BIN3: variants seen among roughly 807,000 people sequenced by gnomAD.
BIN3 encodes bridging integrator 3.
A neutral mutation model predicts 38.2 loss-of-function variants in BIN3; 41 were observed. That is an observed-to-expected ratio of 1.07 (90% CI 0.84 to 1.39). The LOEUF (loss-of-function observed/expected upper bound fraction) is 1.39, where lower values mean the gene tolerates loss of function less well. Ranked by LOEUF, BIN3 falls within the 40% of genes most tolerant of loss-of-function variation. The pLI is 0.00. For missense variants in BIN3, 361 were observed against 324.3 expected, an observed-to-expected ratio of 1.11 and a Z score of -0.87; for synonymous variants, 145 against 122.6, an observed-to-expected ratio of 1.18 and a Z score of -1.21.
At chr8:22,634,561 T>C (rs1220292410) in intron 4 of BIN3, 2 of 432,080 alleles carry the variant, frequency 4.6e-6, no homozygotes, top group East Asian at 1.6e-4. Context: ...AATCACTGCC[T>C]CTATTGGGAC....
At chr8:22,624,603 G>T (rs539188363) in intron 6 of BIN3, 1 of 517,094 alleles carries the variant, frequency 1.9e-6, no homozygotes, top group Non-Finnish European at 3.4e-6. Context: ...TGGAGCTTGT[G>T]CGAACGTGGA....
chr8:22,660,283 T>C (rs1265356394), intron 1 of BIN3, among the ~76,000 whole-genome samples: 1 of 152,158 alleles, frequency 6.6e-6, no homozygotes, highest in African/African-American at 2.4e-5. Flanking sequence ...TAAGAAGGGG[T>C]AGAAAATGGG....
intron 1 of BIN3, among the ~76,000 whole-genome samples, chr8:22,657,132 T>C (rs924123594): frequency 6.6e-6 from 1 of 152,242 alleles, no homozygotes. Flanking sequence ...AGATTCCTTC[T>C]ATGATCTCAT....
chr8:22,655,067 G>T (rs1334490720), intron 1 of BIN3, among the ~76,000 whole-genome samples: 3 of 152,174 alleles, frequency 2.0e-5, no homozygotes, highest in Non-Finnish European at 2.9e-5. Flanking sequence ...ATGACGTTAA[G>T]CGTCTTTTCA....
chr8:22,644,874 G>C, intron 1 of BIN3, 71 bp from the exon 2 acceptor site: 1 of 1,376,736 alleles, frequency 7.3e-7, no homozygotes, highest in Non-Finnish European at 1.0e-6. Flanking sequence ...TATCAGTACA[G>C]TACAGGCCAC....
intron 4 of BIN3, chr8:22,634,643 G>T (rs760958298): frequency 2.4e-6 from 1 of 420,938 alleles, no homozygotes; most frequent in Admixed American, 2.6e-5. Context: ...ACCCGTAGGT[G>T]CCCACTGCCC....
intron 1 of BIN3, among the ~76,000 whole-genome samples, chr8:22,663,501 TTTCTC>T (rs1013801246): frequency 2.6e-5 from 4 of 152,084 alleles, no homozygotes; most frequent in Non-Finnish European, 5.9e-5. Flanking sequence ...GGCTCCATTT[TTTCTC>T]TTCTGAGTTA....
At chr8:22,624,187 C>T in intron 7 of BIN3, 35 bp downstream of exon 7, 1 of 1,602,354 alleles carries the variant, frequency 6.2e-7, no homozygotes, top group Non-Finnish European at 8.5e-7. Context: ...GATGGCCCAC[C>T]TGTCTAGCCC....
intron 4 of BIN3, 70 bp from the exon 5 acceptor site, chr8:22,630,648 C>A: frequency 2.5e-6 from 4 of 1,572,882 alleles, no homozygotes; most frequent in South Asian, 1.2e-5. Context: ...TCCAGGACCC[C>A]GTCCTCCTAT....
chr8:22,654,240 GC>G (rs1802989055), intron 1 of BIN3, among the ~76,000 whole-genome samples: 1 of 152,124 alleles, frequency 6.6e-6, no homozygotes, highest in Non-Finnish European at 1.5e-5. Context: ...ATGGATTTAT[GC>G]CTTAAAAAAC....
chr8:22,666,436 G>A (rs571332383), intron 1 of BIN3, among the ~76,000 whole-genome samples: 242 of 150,368 alleles, frequency 1.6e-3, no homozygotes, highest in African/African-American at 5.6e-3. Context: ...AAAAGAGAGC[G>A]AGAGAGAGAG....
intron 6 of BIN3, among the ~76,000 whole-genome samples, chr8:22,628,775 C>G (rs1279911404): frequency 2.6e-5 from 4 of 152,186 alleles, no homozygotes; most frequent in Non-Finnish European, 4.4e-5. Context: ...GAAAAGCCCT[C>G]TGTGGGCAGG....
At chr8:22,623,103 C>A (rs1179202428) in intron 8 of BIN3, among the ~76,000 whole-genome samples, 1 of 152,216 alleles carries the variant, frequency 6.6e-6, no homozygotes, top group East Asian at 1.9e-4. Context: ...GGGGCAGAGC[C>A]ACAGGGACCT....
intron 1 of BIN3, among the ~76,000 whole-genome samples, chr8:22,650,741 C>A (rs147991955): frequency 1.2e-3 from 182 of 152,272 alleles, no homozygotes; most frequent in African/African-American, 4.3e-3. Flanking sequence ...ACCTCTAGAT[C>A]GTTAGGTTTT....
chr8:22,638,453 T>A (rs4872526), intron 2 of BIN3, among the ~76,000 whole-genome samples: 1 of 152,054 alleles, frequency 6.6e-6, no homozygotes, highest in East Asian at 1.9e-4. Context: ...CCTACGAACA[T>A]GTATGAGCAC....
intron 4 of BIN3, among the ~76,000 whole-genome samples, chr8:22,632,852 G>A (rs1056270746): frequency 6.6e-6 from 1 of 152,078 alleles, no homozygotes; most frequent in African/African-American, 2.4e-5. Context: ...GGGATTACAG[G>A]TGCCTGCCAT....
chr8:22,621,867 G>C (rs904712146), intron 8 of BIN3, among the ~76,000 whole-genome samples: 4 of 152,234 alleles, frequency 2.6e-5, no homozygotes, highest in African/African-American at 9.6e-5. Flanking sequence ...GGAATGATGG[G>C]CACCATGACT....
At position 22,634,419 on chromosome 8, in the gene BIN3, A is replaced by ATGGTGGTGGTGG. The variant is rs374050401; in HGVS notation, c.160+2105_160+2106insCCACCACCACCA. On this transcript the variant is annotated intron_variant, in intron 4 of 8. Transcript: ENST00000276416. ...ACAGGCAGTCAGCGCTCACCCGGGC[A>ATGGTGGTGGTGG]TGGTGGTGGTGACGGCGGCTCCCAG... is the stretch of plus-strand genomic sequence containing the variant. The ATGGTGGTGGTGG allele has an allele frequency of 8.6e-3, 3,914 of 452,970 alleles. 152 individuals carry two copies. The highest frequency in any genetic ancestry group is 0.071 in the African/African-American group (3,579 of 50,122). The allele number at this position is 452,970 out of a possible 1,614,324, so 28.1% of individuals were successfully genotyped here.
rs751485461 is a variant in BIN3, at chr8:22,629,978, G to C, written c.324C>G (p.Ile108Met). The stretch of plus-strand genomic sequence containing the variant: ...CATTTACTCACTTTTTTAAGGGCTC[G>C]ATCACAGTCTTCTGGATCTGGTTCA... Reference protein sequence around the residue: ...EKVNQIQKTVIEPLKKFGSVF... With the variant: ...EKVNQIQKTVMEPLKKFGSVF... Residue 108 changes from isoleucine to methionine, a missense_variant, in exon 6 of 9, where the codon ATC becomes ATG. Coordinates refer to ENST00000276416, the MANE Select transcript of BIN3 (RefSeq NM_018688.6). 4.4e-6 allele frequency: 7 copies of C among 1,609,130 alleles called. No homozygotes were observed. In the East Asian group the frequency reaches 6.7e-5, roughly 15 times the overall value.
Sources: allele counts gnomAD v4.1 joint callset (sites outside exome capture counted in the v4.1 genomes callset), GRCh38; gene constraint gnomAD v4.1.1; transcripts MANE v1.5; gene names NCBI Gene and HGNC (gene_info 2026-07-23, HGNC 2026-07-21).